The following WDR17 variants were observed in gnomAD, a reference collection of about 807,000 sequenced individuals.
WDR17 encodes the protein WD repeat domain 17.
Under a neutral mutation model 161.7 loss-of-function variants are expected in WDR17, and 143 were observed. The observed-to-expected ratio is 0.88, with a 90% CI of 0.77 to 1.02. The LOEUF is 1.02. Among genes scored for constraint, WDR17 ranks in the 50% least tolerant of loss-of-function variants. The pLI is 0.00. For missense variants in WDR17, 1,469 were observed against 1,520.9 expected, an observed-to-expected ratio of 0.97 and a Z score of 0.57; for synonymous variants, 517 against 515.6, an observed-to-expected ratio of 1.00 and a Z score of -0.04.
chr4:176,113,624 G>T (rs10001518), intron 2 of WDR17, among the ~76,000 whole-genome samples: 40,261 of 151,704 alleles, frequency 0.27, 5,599 homozygotes, highest in African/African-American at 0.34. Context: ...TTAATAAGTA[G>T]TGTTTTAAAT....
At chr4:176,146,372 C>G (rs1197582935) in intron 12 of WDR17, among the ~76,000 whole-genome samples, 2 of 152,040 alleles carry the variant, frequency 1.3e-5, no homozygotes, top group African/African-American at 4.8e-5. Flanking sequence ...TAGCTGGGAA[C>G]CACAGATTTA....
intron 1 of WDR17, among the ~76,000 whole-genome samples, chr4:176,106,938 TAGAAAA>T (rs1445995010): frequency 1.3e-5 from 2 of 151,574 alleles, no homozygotes; most frequent in Non-Finnish European, 2.9e-5. Flanking sequence ...AACCTGTCTG[TAGAAAA>T]AGAAAAAGAG....
chr4:176,181,011 A>G lies in WDR17; in HGVS notation c.*1432A>G, dbSNP rs1561231589. 1 of 152,192 alleles carries G rather than the reference A, an allele frequency of 6.6e-6. No individual in the cohort carries two copies. The highest frequency in any genetic ancestry group is 2.4e-5 in the African/African-American group (1 of 41,464). The allele number at this position is 152,192 out of a possible 1,614,324, so 9.4% of individuals were successfully genotyped here. A position where few individuals can be genotyped will look rare whatever the true frequency, so the allele number is the denominator to read the frequency against. ...TTTGACTAAAGAATAATCTCATATA[A>G]CTAGAATACTTGTGGCTTTTATTAT... is the stretch of plus-strand genomic sequence containing the variant. On this transcript the variant is annotated 3_prime_UTR_variant, in exon 29 of 29. Coordinates refer to ENST00000508596, the MANE Select transcript of WDR17 (RefSeq NM_181265.4).
At chr4:176,083,959 G>C (rs1735088377) in intron 1 of WDR17, among the ~76,000 whole-genome samples, 1 of 151,890 alleles carries the variant, frequency 6.6e-6, no homozygotes. Flanking sequence ...TAGTTATTTG[G>C]ATGATCTGAA....
chr4:176,165,383 A>AG (rs1475471089), intron 22 of WDR17, among the ~76,000 whole-genome samples: 1 of 151,912 alleles, frequency 6.6e-6, no homozygotes. Context: ...GAAAAAAAAA[A>AG]TTTGGCAGCA....
At chr4:176,077,520 A>T (rs1391742982) in intron 1 of WDR17, among the ~76,000 whole-genome samples, 1 of 152,072 alleles carries the variant, frequency 6.6e-6, no homozygotes, top group African/African-American at 2.4e-5. Context: ...TTTAGAGGAA[A>T]TTCCTCCCAG....
chr4:176,147,895 G>T (rs1034840208), intron 12 of WDR17, among the ~76,000 whole-genome samples: 2 of 151,942 alleles, frequency 1.3e-5, no homozygotes, highest in Non-Finnish European at 2.9e-5. Flanking sequence ...TATGTGAGGG[G>T]ATGAATTTGT....
In WDR17 at chr4:176,181,886, G is replaced by A. The variant is rs528392685; in HGVS notation, c.*2307G>A. On this transcript the variant is annotated 3_prime_UTR_variant, in exon 29 of 29. Coordinates refer to ENST00000508596, the MANE Select transcript of WDR17 (RefSeq NM_181265.4). Reference sequence around the variant, plus strand: ...ACAACAGAATAGCCACCCAATTTCTGTCTGAAATCTAAATTGGATGGATTT... The same window carrying A: ...ACAACAGAATAGCCACCCAATTTCTATCTGAAATCTAAATTGGATGGATTT... 6.6e-6 allele frequency: 1 copy of A among 152,108 alleles called. No homozygotes were observed. Among genetic ancestry groups the A allele is most frequent in the South Asian group, 2.1e-4 (1 of 4,814 alleles). 9.4% of individuals were successfully genotyped at this position (152,108 alleles called of 1,614,324 possible).
Position 176,074,790 on chromosome 4 carries a change from A to T in WDR17, c.-7+8711A>T, listed in dbSNP as rs183370598. 4.4e-3 allele frequency among the ~76,000 whole-genome samples: 577 copies of T among 130,256 alleles called. 6 individuals carry two copies. The highest frequency in any genetic ancestry group is 0.015 in the African/African-American group (528 of 35,434). The allele number at this position is 130,256 out of a possible 152,430, so 85.5% of individuals were successfully genotyped here. A position where few individuals can be genotyped will look rare whatever the true frequency, so the allele number is the denominator to read the frequency against. ...TGCTACAAGAATAAAAGCTCTGGGC[A>T]TGCGGGATTTTTTTTAATGCTTTTT... On this transcript the variant is annotated intron_variant, in intron 1 of 28. Transcript: ENST00000508596.
intron 3 of WDR17, among the ~76,000 whole-genome samples, chr4:176,118,009 ACTT>A (rs1740910137): frequency 1.3e-5 from 2 of 151,964 alleles, no homozygotes; most frequent in African/African-American, 2.4e-5. Flanking sequence ...CTGTATTTTT[ACTT>A]CTTCTTCCTT....
intron 1 of WDR17, among the ~76,000 whole-genome samples, chr4:176,093,642 G>A (rs999628639): frequency 1.4e-4 from 21 of 152,024 alleles, no homozygotes; most frequent in Admixed American, 9.8e-4. Context: ...ACAGGGATGC[G>A]AAGATGTGTA....
chr4:176,142,036 C>T lies in WDR17; in HGVS notation c.1496C>T (p.Ala499Val). 1.2e-6 allele frequency: 2 copies of T among 1,610,936 alleles called. No individual in the cohort carries two copies. Among genetic ancestry groups the T allele is most frequent in the African/African-American group, 1.3e-5 (1 of 74,984 alleles). ...CTACACAAATATAAACATCCAGCTGCAGTGTTTGGTTGTGATTGGAGCCAA... is the reference window on the plus strand; with the variant it reads ...CTACACAAATATAAACATCCAGCTGTAGTGTTTGGTTGTGATTGGAGCCAA... The part of the protein sequence containing the change: ...KVLHKYKHPA[A>V]VFGCDWSQNN... Residue 499 changes from alanine to valine, a missense_variant, in exon 11 of 29, where the codon GCA (alanine) becomes GTA (valine). Ala to Val is a moderately conservative substitution (Grantham distance 64). Transcript: ENST00000508596.
At chr4:176,151,326 C>G (rs529338335) in intron 16 of WDR17, among the ~76,000 whole-genome samples, 82 of 152,256 alleles carry the variant, frequency 5.4e-4, no homozygotes, top group Middle Eastern at 3.4e-3. Flanking sequence ...TTTATCTGTT[C>G]TGTGTAACTA....
At chr4:176,155,941 A>C in intron 17 of WDR17, 138 bp from the exon 18 acceptor site, 1 of 719,200 alleles carries the variant, frequency 1.4e-6, no homozygotes, top group Non-Finnish European at 2.2e-6. Flanking sequence ...AAGAAGTCAG[A>C]AAGTACCAAA....
intron 1 of WDR17, among the ~76,000 whole-genome samples, chr4:176,079,030 C>G (rs1250468086): frequency 6.6e-6 from 1 of 151,942 alleles, no homozygotes; most frequent in Non-Finnish European, 1.5e-5. Flanking sequence ...TCTCCCCTAC[C>G]CTGTACCCTT....
intron 1 of WDR17, among the ~76,000 whole-genome samples, chr4:176,094,304 T>G (rs1336411504): frequency 1.3e-5 from 2 of 152,182 alleles, no homozygotes; most frequent in Non-Finnish European, 2.9e-5. Flanking sequence ...CAACATACAT[T>G]TTGTATCTTC....
rs1477458860 is a variant in WDR17, at chr4:176,162,146, G to A, written c.2822G>A (p.Cys941Tyr). The A allele has an allele frequency of 6.2e-7, 1 of 1,612,908 alleles. No individual in the cohort carries two copies. Among genetic ancestry groups the A allele is most frequent in the Non-Finnish European group, 8.5e-7 (1 of 1,179,402 alleles). The change falls in exon 21 of 29, where the codon TGT (cysteine) becomes TAT (tyrosine). Residue 941 changes from cysteine to tyrosine, a missense_variant. Cys to Tyr is a radical substitution (Grantham distance 194). Coordinates refer to ENST00000508596, the MANE Select transcript of WDR17 (RefSeq NM_181265.4). ...GATGGTCGAGCAGTACTAGCCGCATGTTGCCATCTTGCCATAGATAATATT... is the reference window on the plus strand; with the variant it reads ...GATGGTCGAGCAGTACTAGCCGCATATTGCCATCTTGCCATAGATAATATT... The part of the protein sequence containing the change: ...FQDGRAVLAA[C>Y]CHLAIDNIEL...
intron 3 of WDR17, among the ~76,000 whole-genome samples, chr4:176,119,346 G>T (rs1741172175): frequency 1.3e-5 from 2 of 152,160 alleles, no homozygotes; most frequent in East Asian, 3.9e-4. Flanking sequence ...CTGAGGCAAG[G>T]CTTAGATTTG....
chr4:176,091,208 C>T (rs559988075), intron 1 of WDR17, among the ~76,000 whole-genome samples: 2 of 152,222 alleles, frequency 1.3e-5, no homozygotes, highest in South Asian at 2.1e-4. Context: ...TTTTTCTCCC[C>T]AACACATGCA....
Sources: allele counts gnomAD v4.1 joint callset (sites outside exome capture counted in the v4.1 genomes callset), GRCh38; gene constraint gnomAD v4.1.1; transcripts MANE v1.5; gene names NCBI Gene and HGNC (gene_info 2026-07-23, HGNC 2026-07-21).